PEAK1: variants seen among roughly 807,000 people sequenced by gnomAD.
PEAK1 encodes inactive tyrosine-protein kinase PEAK1.
Under a neutral mutation model 124.7 loss-of-function variants are expected in PEAK1, and 54 were observed. The ratio of observed to expected loss-of-function variants is 0.43; its 90% CI spans 0.35 to 0.54. The LOEUF is 0.54. PEAK1 is among the 20% of genes least tolerant of loss of function. The probability of loss-of-function intolerance (pLI) is 0.01; values close to 1 mark genes in which losing one functional copy is unlikely to be tolerated. For synonymous variants in PEAK1, 719 were observed against 760.0 expected, an observed-to-expected ratio of 0.95 and a Z score of 0.89; for missense variants, 2,046 against 2,134.5, an observed-to-expected ratio of 0.96 and a Z score of 0.82.
intron 2 of PEAK1, among the ~76,000 whole-genome samples, chr15:77,358,918 T>C (rs2067702250): frequency 6.6e-6 from 1 of 152,204 alleles, no homozygotes; most frequent in Non-Finnish European, 1.5e-5. Flanking sequence ...CTCACAGGAC[T>C]ACTGTGAAGA....
intron 2 of PEAK1, among the ~76,000 whole-genome samples, chr15:77,325,407 CAATAAATAAATAAATAAATAAATAAATA>C (rs140910763): frequency 6.9e-6 from 1 of 144,176 alleles, no homozygotes; most frequent in Non-Finnish European, 1.5e-5. Flanking sequence ...GATCCCATCT[CAATAAATAAATAAATAAATAAATAAATA>C]AATAAATAAA....
At chr15:77,401,505 TAAG>T (rs954550236) in intron 1 of PEAK1, 48 of 967,844 alleles carry the variant, frequency 5.0e-5, no homozygotes, top group African/African-American at 4.8e-4. Context: ...TTTAAGAGTA[TAAG>T]AAGAACAATA....
intron 1 of PEAK1, chr15:77,419,502 C>G (rs564433395): frequency 4.1e-6 from 4 of 985,306 alleles, no homozygotes; most frequent in East Asian, 1.1e-4. Flanking sequence ...GGGAGCCACC[C>G]GGCTCCGTCC....
At chr15:77,259,926 G>T (rs145364746) in intron 5 of PEAK1, among the ~76,000 whole-genome samples, 1 of 152,056 alleles carries the variant, frequency 6.6e-6, no homozygotes, top group Non-Finnish European at 1.5e-5. Context: ...CAGAGAAGAG[G>T]GAGACAGCTA....
At chr15:77,323,268 G>A (rs1168211405) in intron 2 of PEAK1, among the ~76,000 whole-genome samples, 1 of 151,986 alleles carries the variant, frequency 6.6e-6, no homozygotes, top group Non-Finnish European at 1.5e-5. Flanking sequence ...ACATAGTGTT[G>A]GAAGTTCTGG....
chr15:77,335,692 T>G, intron 2 of PEAK1: 1 of 834,126 alleles, frequency 1.2e-6, no homozygotes, highest in Non-Finnish European at 1.4e-6. Flanking sequence ...GGCTGACCCA[T>G]GTTGCCCAGG....
intron 2 of PEAK1, chr15:77,350,050 C>T (rs1033440041): frequency 2.3e-5 from 23 of 985,186 alleles, no homozygotes; most frequent in Non-Finnish European, 2.7e-5. Flanking sequence ...CAGGGCTCAG[C>T]CACCATGATA....
At chr15:77,171,236 T>G (rs2056480668) in intron 7 of PEAK1, among the ~76,000 whole-genome samples, 1 of 152,196 alleles carries the variant, frequency 6.6e-6, no homozygotes, top group South Asian at 2.1e-4. Context: ...AGGATTGCTT[T>G]GCACTCTTAA....
chr15:77,322,014 T>C (rs1161708088), intron 2 of PEAK1, among the ~76,000 whole-genome samples: 2 of 152,210 alleles, frequency 1.3e-5, no homozygotes, highest in Non-Finnish European at 2.9e-5. Context: ...CGGAACAACC[T>C]GCTCCTGAAT....
intron 5 of PEAK1, among the ~76,000 whole-genome samples, chr15:77,262,471 A>G (rs1270860739): frequency 6.6e-6 from 1 of 151,466 alleles, no homozygotes; most frequent in African/African-American, 2.5e-5. Context: ...AGTCTCTGAT[A>G]AAACAGACTT....
upstream of PEAK1, chr15:77,420,414 C>A (rs2073281719): frequency 6.5e-6 from 1 of 153,188 alleles, no homozygotes; most frequent in South Asian, 2.1e-4. Flanking sequence ...GGGGCTAAGA[C>A]AAGGGGCGGG....
intron 7 of PEAK1, among the ~76,000 whole-genome samples, chr15:77,158,966 G>A (rs1455769577): frequency 6.6e-6 from 1 of 152,154 alleles, no homozygotes; most frequent in Non-Finnish European, 1.5e-5. Flanking sequence ...TTATTTAGGT[G>A]GGAGGTGGTG....
At chr15:77,256,840 A>G (rs1404614921) in intron 5 of PEAK1, among the ~76,000 whole-genome samples, 1 of 152,044 alleles carries the variant, frequency 6.6e-6, no homozygotes, top group Non-Finnish European at 1.5e-5. Context: ...CTCGTCATTT[A>G]GCATTAGCTA....
At chr15:77,334,919 A>C (rs1007591963) in intron 2 of PEAK1, 8 of 985,292 alleles carry the variant, frequency 8.1e-6, no homozygotes, top group Non-Finnish European at 9.6e-6. Flanking sequence ...CAGCTTCCCC[A>C]GGTTTAATGA....
chr15:77,291,969 T>C (rs2063237005), intron 2 of PEAK1, among the ~76,000 whole-genome samples: 2 of 107,930 alleles, frequency 1.9e-5, no homozygotes, highest in South Asian at 2.9e-4. Context: ...GGAGCAAGAC[T>C]CCGTCTCAAA....
chr15:77,167,531 G>C (rs766173317), intron 7 of PEAK1, among the ~76,000 whole-genome samples: 2 of 152,164 alleles, frequency 1.3e-5, no homozygotes, highest in Admixed American at 6.5e-5. Flanking sequence ...ATGTAGATGT[G>C]ATTTTTATAA....
chr15:77,342,360 T>C (rs1414266062), intron 2 of PEAK1, among the ~76,000 whole-genome samples: 1 of 152,012 alleles, frequency 6.6e-6, no homozygotes, highest in South Asian at 2.1e-4. Context: ...TTCTATGAAT[T>C]TGACTACTTC....
intron 1 of PEAK1, among the ~76,000 whole-genome samples, chr15:77,413,039 T>C (rs189367188): frequency 2.0e-5 from 3 of 152,298 alleles, no homozygotes; most frequent in East Asian, 3.9e-4. Context: ...AAAACCTTCC[T>C]TATAGAAGAA....
At chr15:77,210,535 T>TAA (rs1283037187) in intron 6 of PEAK1, among the ~76,000 whole-genome samples, 1 of 152,176 alleles carries the variant, frequency 6.6e-6, no homozygotes, top group Non-Finnish European at 1.5e-5. Flanking sequence ...TGACCAAAGA[T>TAA]AAAATTTAAA....
Sources: allele counts gnomAD v4.1 joint callset (sites outside exome capture counted in the v4.1 genomes callset), GRCh38; gene constraint gnomAD v4.1.1; transcripts MANE v1.5; gene names NCBI Gene and HGNC (gene_info 2026-07-23, HGNC 2026-07-21).